Variants in RNF217 observed in about 807,000 individuals in gnomAD.
RNF217 encodes the protein E3 ubiquitin-protein ligase RNF217.
RNF217 carries 31 observed loss-of-function variants against 57.8 expected under a neutral mutation model. That is an observed-to-expected ratio of 0.54 (90% CI 0.40 to 0.72). The LOEUF (loss-of-function observed/expected upper bound fraction) is 0.72. Ranked by LOEUF, RNF217 falls within the 30% of genes least tolerant of loss-of-function variation. RNF217 has a pLI of 0.00. For synonymous variants in RNF217, 313 were observed against 294.0 expected (o/e 1.06, Z -0.66); for missense variants, 696 against 708.3 (o/e 0.98, Z 0.20).
chr6:125,032,244 C>A (rs558132302), intron 1 of RNF217, among the ~76,000 whole-genome samples: 20 of 152,154 alleles, frequency 1.3e-4, no homozygotes, highest in African/African-American at 3.1e-4. Flanking sequence ...TAGGAGAAAA[C>A]CCATAATTCA....
chr6:125,060,769 T>A (rs996861166), intron 3 of RNF217, among the ~76,000 whole-genome samples: 7 of 152,130 alleles, frequency 4.6e-5, no homozygotes, highest in African/African-American at 1.7e-4. Context: ...AAATGATTTG[T>A]TTATCAAGGT....
At chr6:125,022,128 T>A (rs570404283) in intron 1 of RNF217, among the ~76,000 whole-genome samples, 62 of 151,994 alleles carry the variant, frequency 4.1e-4, no homozygotes, top group African/African-American at 1.5e-3. Context: ...GGTGACCACC[T>A]ACCTTGGCCT....
At chr6:125,006,750 A>G (rs1487551519) in intron 1 of RNF217, among the ~76,000 whole-genome samples, 5 of 152,132 alleles carry the variant, frequency 3.3e-5, no homozygotes, top group African/African-American at 1.2e-4. Context: ...GGAGTTCAAG[A>G]CCAGCCTGGC....
intron 1 of RNF217, among the ~76,000 whole-genome samples, chr6:125,022,431 G>A (rs946614146): frequency 7.2e-5 from 11 of 152,180 alleles, no homozygotes; most frequent in African/African-American, 2.7e-4. Flanking sequence ...AAACTCTGGG[G>A]AAGTTGGACT....
At chr6:124,998,265 T>C (rs185531125) in intron 1 of RNF217, among the ~76,000 whole-genome samples, 13 of 152,296 alleles carry the variant, frequency 8.5e-5, no homozygotes, top group Non-Finnish European at 1.8e-4. Context: ...ACCTTGTATG[T>C]CATTTACATT....
At chr6:125,026,755 G>C (rs1302601590) in intron 1 of RNF217, among the ~76,000 whole-genome samples, 1 of 152,134 alleles carries the variant, frequency 6.6e-6, no homozygotes, top group African/African-American at 2.4e-5. Flanking sequence ...CTGCTTCCCT[G>C]TGTGACTCTT....
chr6:124,982,607 C>T (rs547583707), intron 1 of RNF217, among the ~76,000 whole-genome samples: 5 of 151,934 alleles, frequency 3.3e-5, no homozygotes, highest in South Asian at 2.1e-4. Context: ...TAATCATTGC[C>T]GTTTTATAGA....
At chr6:124,973,635 A>G (rs1044862106) in intron 1 of RNF217, among the ~76,000 whole-genome samples, 5 of 152,202 alleles carry the variant, frequency 3.3e-5, no homozygotes, top group Admixed American at 1.3e-4. Context: ...TCCACAATTC[A>G]TTTATTTAGA....
chr6:125,082,163 TA>T (rs1316897032), intron 5 of RNF217, among the ~76,000 whole-genome samples: 14 of 152,100 alleles, frequency 9.2e-5, no homozygotes, highest in Admixed American at 6.6e-4. Context: ...TTTTTATTTT[TA>T]AAAAGTTCCC....
intron 1 of RNF217, among the ~76,000 whole-genome samples, chr6:124,981,586 A>T (rs112011277): frequency 1.3e-5 from 2 of 152,178 alleles, no homozygotes; most frequent in Non-Finnish European, 2.9e-5. Context: ...CTGCCTTTTT[A>T]CATAAACAGC....
rs1786101911 is a variant in RNF217, at chr6:125,026,721, T to C, written c.883-18490T>C. 2.6e-5 allele frequency among the ~76,000 whole-genome samples: 4 copies of C among 152,180 alleles called. No individual in the cohort carries two copies. In the South Asian group the frequency reaches 8.3e-4, roughly 32 times the overall value. On this transcript the variant is annotated intron_variant, in intron 1 of 5. Coordinates refer to ENST00000521654, the MANE Select transcript of RNF217 (RefSeq NM_001286398.3). The stretch of plus-strand genomic sequence containing the variant: ...TAGGTAGGGAAGGTTGCATATTCAG[T>C]CCTTAAACTCTGCAAGAATTGCACT...
At chr6:125,040,767 A>T (rs1786849846) in intron 1 of RNF217, among the ~76,000 whole-genome samples, 1 of 152,212 alleles carries the variant, frequency 6.6e-6, no homozygotes, top group African/African-American at 2.4e-5. Context: ...CATCCCTGGG[A>T]TGCAAGACTG....
intron 3 of RNF217, among the ~76,000 whole-genome samples, chr6:125,065,738 TTTC>T (rs1191987186): frequency 2.0e-5 from 3 of 152,208 alleles, no homozygotes; most frequent in African/African-American, 7.2e-5. Flanking sequence ...TCCATTTTCA[TTTC>T]TTTTCAGGTT....
intron 1 of RNF217, among the ~76,000 whole-genome samples, chr6:125,004,542 C>G (rs983948542): frequency 6.6e-6 from 1 of 152,134 alleles, no homozygotes; most frequent in African/African-American, 2.4e-5. Context: ...GACTTTCTTC[C>G]CTGCCTAGGA....
chr6:125,087,811 A>G lies in RNF217; in HGVS notation c.*4874A>G, dbSNP rs1166460087. 4.6e-5 allele frequency: 7 copies of G among 152,074 alleles called. No homozygotes were observed. The highest frequency in any genetic ancestry group is 1.7e-4 in the African/African-American group (7 of 41,440). 9.4% of individuals were successfully genotyped at this position (152,074 alleles called of 1,614,324 possible). A position where few individuals can be genotyped will look rare whatever the true frequency, so the allele number is the denominator to read the frequency against. ...TACCTAATTGGAATGTTTGTTTAAAATATTAAATTAATTTATACTGAAAGT... is the reference window on the plus strand; with the variant it reads ...TACCTAATTGGAATGTTTGTTTAAAGTATTAAATTAATTTATACTGAAAGT... On this transcript the variant is annotated 3_prime_UTR_variant, in exon 6 of 6. Transcript: ENST00000521654.
chr6:124,983,273 G>A (rs1030371536), intron 1 of RNF217: 126 of 711,818 alleles, frequency 1.8e-4, no homozygotes, highest in Non-Finnish European at 1.7e-4. Flanking sequence ...AAAGGCTTTT[G>A]TGTCTTGTGA....
At chr6:125,081,802 A>G (rs889752363) in intron 5 of RNF217, among the ~76,000 whole-genome samples, 3 of 152,086 alleles carry the variant, frequency 2.0e-5, no homozygotes, top group Admixed American at 6.6e-5. Context: ...GAAAAAGGCA[A>G]GTGGAATAGA....
chr6:125,028,617 A>G (rs1786213413), intron 1 of RNF217, among the ~76,000 whole-genome samples: 1 of 152,162 alleles, frequency 6.6e-6, no homozygotes, highest in Admixed American at 6.5e-5. Context: ...AGTTTTAAAA[A>G]GTGGAAAGAG....
chr6:124,963,015 C>A lies in RNF217; in HGVS notation c.471C>A (p.Leu157=). 1.3e-6 allele frequency: 2 copies of A among 1,594,498 alleles called. No individual in the cohort carries two copies. Among genetic ancestry groups the A allele is most frequent in the Non-Finnish European group, 1.7e-6 (2 of 1,178,182 alleles). The change falls in exon 1 of 6, where the codon CTC becomes CTA. Residue 157 remains leucine (L), a synonymous_variant. Transcript: ENST00000521654. ...LDVLGQRRPS[L]AKRQVFCSVY... is the part of the protein sequence containing the mutation. ...TGCTGGGTCAGCGGCGCCCGTCCCT[C>A]GCCAAGAGACAAGTCTTCTGCTCCG... is the stretch of plus-strand genomic sequence containing the variant.
Sources: allele counts gnomAD v4.1 joint callset (sites outside exome capture counted in the v4.1 genomes callset), GRCh38; gene constraint gnomAD v4.1.1; transcripts MANE v1.5; gene names NCBI Gene and HGNC (gene_info 2026-07-23, HGNC 2026-07-21).